GNA12: variants seen among roughly 807,000 people sequenced by gnomAD.
The protein encoded by GNA12 is guanine nucleotide-binding protein subunit alpha-12.
GNA12 carries 9 observed loss-of-function variants against 26.0 expected under a neutral mutation model. The observed-to-expected ratio is 0.35, with a 90% confidence interval of 0.21 to 0.60. The LOEUF (loss-of-function observed/expected upper bound fraction) is 0.60. Ranked by LOEUF, GNA12 falls within the 20% of genes least tolerant of loss-of-function variation. GNA12 has a pLI of 0.78. For missense variants in GNA12, 405 were observed against 525.8 expected, an observed-to-expected ratio of 0.77 and a Z score of 2.25; for synonymous variants, 264 against 219.6, an observed-to-expected ratio of 1.20 and a Z score of -1.79.
intron 2 of GNA12, among the ~76,000 whole-genome samples, chr7:2,756,443 T>A (rs1233748174): frequency 2.0e-5 from 3 of 152,006 alleles, no homozygotes; most frequent in African/African-American, 7.2e-5. Flanking sequence ...TGAGACCTCA[T>A]CTCTGCAAAA....
intron 1 of GNA12, among the ~76,000 whole-genome samples, chr7:2,833,265 A>G (rs904929243): frequency 6.6e-6 from 1 of 152,194 alleles, no homozygotes; most frequent in Non-Finnish European, 1.5e-5. Context: ...TCCATTACAC[A>G]ACATCAGCTT....
chr7:2,784,332 C>T (rs2115440386), intron 2 of GNA12, among the ~76,000 whole-genome samples: 1 of 152,256 alleles, frequency 6.6e-6, no homozygotes, highest in South Asian at 2.1e-4. Flanking sequence ...GTTGCCCAGG[C>T]TGGTCTTGAA....
At chr7:2,835,816 A>G in intron 1 of GNA12, 2 of 658,572 alleles carry the variant, frequency 3.0e-6, no homozygotes, top group South Asian at 3.0e-5. Context: ...TGACTGCTTA[A>G]TGATGCCTTA....
chr7:2,728,209 A>C lies in GNA12; in HGVS notation c.*2972T>G, dbSNP rs531399321. On this transcript the variant is annotated 3_prime_UTR_variant, in exon 4 of 4. Coordinates refer to ENST00000275364, the MANE Select transcript of GNA12 (RefSeq NM_007353.3). ...CCCTCCCAATGTTAATACACTGTGC[A>C]AAGCTTACACCATGAACAACTGACC... 7 of 152,470 alleles carry C rather than the reference A, an allele frequency of 4.6e-5. No individual in the cohort carries two copies. In the South Asian group the frequency reaches 1.2e-3, roughly 27 times the overall value. 9.4% of individuals were successfully genotyped at this position (152,470 alleles called of 1,614,324 possible).
intron 2 of GNA12, among the ~76,000 whole-genome samples, chr7:2,740,592 A>C (rs947027230): frequency 8.5e-5 from 13 of 152,236 alleles, no homozygotes; most frequent in African/African-American, 3.1e-4. Flanking sequence ...GACAAATATA[A>C]TTATGAACTT....
chr7:2,742,136 C>T (rs1583220566), intron 2 of GNA12, among the ~76,000 whole-genome samples: 1 of 152,170 alleles, frequency 6.6e-6, no homozygotes, highest in South Asian at 2.1e-4. Flanking sequence ...ATTCTCCTGC[C>T]TCAGCCACCC....
chr7:2,814,955 C>T lies in GNA12; in HGVS notation c.310-19812G>A, dbSNP rs142584168. The T allele has an allele frequency of 3.1e-4, 492 of 1,571,994 alleles. 5 individuals carry two copies. The East Asian group carries it at 5.7e-3, about 18-fold the overall frequency. ...TTTCAAATGCCTACAATACAGTAGG[C>T]GCTCTGCACTCGGCATGGCTGACAA... On this transcript the variant is annotated intron_variant, in intron 1 of 3. Transcript: ENST00000275364.
intron 2 of GNA12, among the ~76,000 whole-genome samples, chr7:2,750,421 C>A (rs1790976478): frequency 6.6e-6 from 1 of 152,234 alleles, no homozygotes; most frequent in South Asian, 2.1e-4. Flanking sequence ...CCTCAGGGGA[C>A]ACATGCTGAG....
intron 2 of GNA12, among the ~76,000 whole-genome samples, chr7:2,768,679 A>AC (rs200418393): frequency 3.3e-5 from 4 of 120,240 alleles, no homozygotes; most frequent in Admixed American, 8.7e-5. Flanking sequence ...AAAAAAAACA[A>AC]AACAAAACAA....
chr7:2,784,816 T>G (rs1201112317), intron 2 of GNA12, among the ~76,000 whole-genome samples: 3 of 152,224 alleles, frequency 2.0e-5, no homozygotes, highest in African/African-American at 7.2e-5. Context: ...AATTTGTCAT[T>G]TGACTCTTAA....
At chr7:2,749,225 G>A (rs942458677) in intron 2 of GNA12, among the ~76,000 whole-genome samples, 13 of 152,168 alleles carry the variant, frequency 8.5e-5, no homozygotes, top group East Asian at 3.9e-4. Context: ...TGTTTATTGC[G>A]GCACTATTCA....
intron 1 of GNA12, among the ~76,000 whole-genome samples, chr7:2,815,534 A>G (rs538893645): frequency 1.2e-4 from 18 of 152,306 alleles, no homozygotes; most frequent in African/African-American, 4.3e-4. Flanking sequence ...CCCCAGGGCC[A>G]AGCACTGGAC....
At chr7:2,751,264 T>C (rs1398895900) in intron 2 of GNA12, among the ~76,000 whole-genome samples, 1 of 151,832 alleles carries the variant, frequency 6.6e-6, no homozygotes, top group Non-Finnish European at 1.5e-5. Context: ...CACATGCTTG[T>C]AGTCCCAGCT....
chr7:2,808,567 G>A (rs368632500), intron 1 of GNA12, among the ~76,000 whole-genome samples: 2 of 152,250 alleles, frequency 1.3e-5, no homozygotes, highest in East Asian at 3.9e-4. Flanking sequence ...GAGCAGCAGC[G>A]GCCTGCAGCT....
At position 2,831,384 on chromosome 7, in the gene GNA12, A is replaced by T. The variant is rs898725358; in HGVS notation, c.309+12469T>A. ...AGTTCCTCTCCCCACCCTAAAACTA[A>T]AATTATGGAACTTCACTTTCTTTTT... On this transcript the variant is annotated intron_variant, in intron 1 of 3. Transcript: ENST00000275364. 2.0e-5 allele frequency among the ~76,000 whole-genome samples: 3 copies of T among 151,284 alleles called. No individual in the cohort carries two copies. The East Asian group carries it at 5.8e-4, about 29-fold the overall frequency.
At chr7:2,843,115 G>A (rs981488058) in intron 1 of GNA12, among the ~76,000 whole-genome samples, 9 of 151,398 alleles carry the variant, frequency 5.9e-5, no homozygotes, top group African/African-American at 2.2e-4. Flanking sequence ...TAAAAAAACA[G>A]AAAAGTAAAA....
At chr7:2,753,356 G>A (rs1791129630) in intron 2 of GNA12, among the ~76,000 whole-genome samples, 1 of 151,990 alleles carries the variant, frequency 6.6e-6, no homozygotes. Flanking sequence ...TTGCTATGTT[G>A]TCCAGGCTGG....
chr7:2,771,306 A>G (rs1453084994), intron 2 of GNA12, among the ~76,000 whole-genome samples: 1 of 152,120 alleles, frequency 6.6e-6, no homozygotes, highest in Non-Finnish European at 1.5e-5. Flanking sequence ...AAAAAAACCA[A>G]AAAACCAAAA....
intron 1 of GNA12, among the ~76,000 whole-genome samples, chr7:2,838,807 C>T (rs1271443206): frequency 1.3e-5 from 2 of 152,046 alleles, no homozygotes; most frequent in Non-Finnish European, 2.9e-5. Context: ...AAAAGAAGGA[C>T]ATTACATAAT....
Sources: allele counts gnomAD v4.1 joint callset (sites outside exome capture counted in the v4.1 genomes callset), GRCh38; gene constraint gnomAD v4.1.1; transcripts MANE v1.5; gene names NCBI Gene and HGNC (gene_info 2026-07-23, HGNC 2026-07-21).